ARMH4: variants seen among roughly 807,000 people sequenced by gnomAD.
ARMH4 encodes the protein armadillo like helical domain containing 4, also known as armadillo-like helical domain-containing protein 4.
Under a neutral mutation model 61.9 loss-of-function variants are expected in ARMH4, and 49 were observed. That is an observed-to-expected ratio of 0.79 (90% CI 0.63 to 1.00). The LOEUF is 1.00. ARMH4 is among the 50% of genes least tolerant of loss of function. The probability of loss-of-function intolerance (pLI) is 0.00; values close to 1 mark genes in which losing one functional copy is unlikely to be tolerated. For synonymous variants in ARMH4, 368 were observed against 341.5 expected (o/e 1.08, Z -0.85); for missense variants, 934 against 930.0 (o/e 1.00, Z -0.06).
chr14:58,007,317 T>C (rs1228948462), intron 6 of ARMH4, among the ~76,000 whole-genome samples: 1 of 152,224 alleles, frequency 6.6e-6, no homozygotes, highest in Admixed American at 6.5e-5. Context: ...AGCCTTTTAC[T>C]TATGGAGCTT....
At chr14:58,058,083 T>C (rs1018381036) in intron 5 of ARMH4, among the ~76,000 whole-genome samples, 6 of 152,202 alleles carry the variant, frequency 3.9e-5, no homozygotes, top group Non-Finnish European at 8.8e-5. Flanking sequence ...GAAGATAGTA[T>C]AGTCATCCCC....
chr14:58,110,295 A>T (rs1482120193), intron 4 of ARMH4, among the ~76,000 whole-genome samples: 1 of 151,572 alleles, frequency 6.6e-6, no homozygotes, highest in Non-Finnish European at 1.5e-5. Context: ...ACTAAATCTA[A>T]CTAACATATG....
At chr14:58,116,863 G>A (rs1239515026) in intron 4 of ARMH4, among the ~76,000 whole-genome samples, 1 of 152,018 alleles carries the variant, frequency 6.6e-6, no homozygotes, top group African/African-American at 2.4e-5. Flanking sequence ...CCATATAATT[G>A]GTATGTTATC....
At chr14:58,090,819 G>A in intron 5 of ARMH4, among the ~76,000 whole-genome samples, 1 of 149,274 alleles carries the variant, frequency 6.7e-6, no homozygotes, top group Non-Finnish European at 1.5e-5. Flanking sequence ...GGTGGAGGTT[G>A]CAATGAGCTC....
intron 5 of ARMH4, among the ~76,000 whole-genome samples, chr14:58,077,974 C>T (rs1485134000): frequency 1.3e-5 from 2 of 152,198 alleles, no homozygotes; most frequent in Non-Finnish European, 2.9e-5. Flanking sequence ...ACTCAATGGA[C>T]AGAGATGATA....
intron 2 of ARMH4, among the ~76,000 whole-genome samples, chr14:58,137,754 T>G (rs1010524189): frequency 6.6e-6 from 1 of 152,098 alleles, no homozygotes; most frequent in African/African-American, 2.4e-5. Context: ...TAAATTTCAT[T>G]TTTTTATTCT....
At chr14:58,047,024 C>CT (rs1883967547) in intron 5 of ARMH4, among the ~76,000 whole-genome samples, 2 of 152,190 alleles carry the variant, frequency 1.3e-5, no homozygotes, top group Non-Finnish European at 2.9e-5. Flanking sequence ...GAGCTGGTCT[C>CT]TAACAGTTTG....
chr14:58,033,230 G>A (rs1883336006), intron 5 of ARMH4, among the ~76,000 whole-genome samples: 2 of 117,668 alleles, frequency 1.7e-5, no homozygotes, highest in East Asian at 2.2e-4. Flanking sequence ...GCCTCCTCAA[G>A]TGGGTCCCTG....
In ARMH4 at chr14:58,068,781, C is replaced by G. The variant is rs1884787128; in HGVS notation, c.2089+27943G>C. Reference sequence around the variant, plus strand: ...CAACACTTTGAGAGGCCGAGGCAGGCAGATCACCTGAGGTCAGGAATTAGA... The same window carrying G: ...CAACACTTTGAGAGGCCGAGGCAGGGAGATCACCTGAGGTCAGGAATTAGA... On this transcript the variant is annotated intron_variant, in intron 5 of 7. Transcript: ENST00000267485. Among the ~76,000 whole-genome samples, 4 of 152,056 alleles carry G rather than the reference C, an allele frequency of 2.6e-5. No individual in the cohort carries two copies. The South Asian group carries it at 8.3e-4, about 32-fold the overall frequency.
chr14:58,146,300 TTAAC>T (rs1364345661), intron 1 of ARMH4, among the ~76,000 whole-genome samples: 4 of 152,362 alleles, frequency 2.6e-5, no homozygotes, highest in Admixed American at 6.5e-5. Flanking sequence ...ATAAGAATGT[TTAAC>T]AAACAAACAA....
intron 5 of ARMH4, among the ~76,000 whole-genome samples, chr14:58,049,343 T>A (rs1722002244): frequency 6.6e-6 from 1 of 152,124 alleles, no homozygotes; most frequent in Admixed American, 6.5e-5. Flanking sequence ...AATGTCATAA[T>A]CATAGATTCT....
intron 1 of ARMH4, among the ~76,000 whole-genome samples, chr14:58,147,150 C>T (rs1887758539): frequency 6.6e-6 from 1 of 152,120 alleles, no homozygotes; most frequent in Non-Finnish European, 1.5e-5. Context: ...TTGAACTCTT[C>T]TCTCCTTTAC....
At chr14:58,120,003 A>T in intron 4 of ARMH4, among the ~76,000 whole-genome samples, 1 of 152,148 alleles carries the variant, frequency 6.6e-6, no homozygotes. Flanking sequence ...AATCGGATAC[A>T]TTCTGAGAAA....
rs575418085 is a variant in ARMH4, at chr14:58,114,361, T to C, written c.1831+17151A>G. Among the ~76,000 whole-genome samples, 98 of 152,324 alleles carry C rather than the reference T, an allele frequency of 6.4e-4. 1 individual carries two copies. Among genetic ancestry groups the C allele is most frequent in the Middle Eastern group, 6.8e-3 (2 of 294 alleles). ...TATCACTACTTGTCCTAGAGCACCG[T>C]TACCTCTTCCTTGCAGTTAATTCCT... is the stretch of plus-strand genomic sequence containing the variant. On this transcript the variant is annotated intron_variant, in intron 4 of 7. Coordinates refer to ENST00000267485, the MANE Select transcript of ARMH4 (RefSeq NM_001001872.4).
chr14:58,000,818 C>G lies in ARMH4; in HGVS notation c.*3918G>C, dbSNP rs543911370. 1 of 152,282 alleles carries G rather than the reference C, an allele frequency of 6.6e-6. No individual in the cohort carries two copies. The highest frequency in any genetic ancestry group is 2.4e-5 in the African/African-American group (1 of 41,538). The allele number at this position is 152,282 out of a possible 1,614,324, so 9.4% of individuals were successfully genotyped here. ...CCATGTTAGCCAGGATGGTTTCTAT[C>G]TCCTGACCTCATGATCTGCCCACCT... On this transcript the variant is annotated 3_prime_UTR_variant, in exon 8 of 8. Transcript: ENST00000267485.
intron 5 of ARMH4, among the ~76,000 whole-genome samples, chr14:58,027,994 G>C (rs116617488): frequency 2.0e-4 from 31 of 152,180 alleles, no homozygotes; most frequent in African/African-American, 7.5e-4. Context: ...GATAGCAGGT[G>C]AACAGGCCAG....
chr14:58,014,561 G>A (rs1393384544), intron 5 of ARMH4, among the ~76,000 whole-genome samples: 1 of 152,148 alleles, frequency 6.6e-6, no homozygotes, highest in Non-Finnish European at 1.5e-5. Context: ...GGGGAAGAAA[G>A]GTAAGTAAAA....
intron 4 of ARMH4, chr14:58,101,707 C>T (rs1467275316): frequency 6.6e-6 from 1 of 151,950 alleles, no homozygotes; most frequent in East Asian, 1.9e-4. Context: ...TTTGCCTGCC[C>T]TGCCCGGTAG....
chr14:58,041,330 T>C (rs1883694384), intron 5 of ARMH4, among the ~76,000 whole-genome samples: 1 of 152,170 alleles, frequency 6.6e-6, no homozygotes, highest in Admixed American at 6.5e-5. Context: ...CAGAATTTCA[T>C]ATCCAGCCAA....
Sources: gnomAD v4.1 joint callset for allele counts (sites outside exome capture counted in the v4.1 genomes callset) on GRCh38, gnomAD v4.1.1 for gene constraint, MANE v1.5 for transcripts, NCBI Gene and HGNC (gene_info 2026-07-23, HGNC 2026-07-21) for gene names.